TP53BP1: variants seen among roughly 807,000 people sequenced by gnomAD.
TP53BP1 encodes tumor protein p53 binding protein 1.
In TP53BP1, 61 loss-of-function variants were observed where a neutral mutation model predicts 200.8. The observed-to-expected ratio is 0.30, with a 90% CI of 0.25 to 0.38. TP53BP1 has a LOEUF of 0.38. TP53BP1 is among the 10% of genes least tolerant of loss of function. The pLI, the probability that TP53BP1 is intolerant of heterozygous loss-of-function variation, is 1.00. For missense variants in TP53BP1, 2,144 were observed against 2,371.9 expected (o/e 0.90, Z 2.00); for synonymous variants, 822 against 844.3 (o/e 0.97, Z 0.46).
chr15:43,484,720 C>G (rs968356868), intron 4 of TP53BP1, among the ~76,000 whole-genome samples: 18 of 151,770 alleles, frequency 1.2e-4, no homozygotes, highest in African/African-American at 4.4e-4. Flanking sequence ...TTACACTTAT[C>G]CCAGATAACA....
rs113197829 is a variant in TP53BP1 at position 43,507,140 on chromosome 15, C to CT, written c.-9+3229dup. On this transcript the variant is annotated intron_variant, in intron 1 of 27. Coordinates refer to the TP53BP1 transcript ENST00000263801. ...TTGTTTGTGCATTTTGTCCAATTCT[C>CT]TTTTTTTTTTTTGAGATGGAGTCTC... 1.7e-3 allele frequency among the ~76,000 whole-genome samples: 243 copies of CT among 145,746 alleles called. 1 individual carries two copies. The highest frequency in any genetic ancestry group is 3.5e-3 in the Middle Eastern group (1 of 282).
intron 18 of TP53BP1, among the ~76,000 whole-genome samples, chr15:43,426,864 A>C (rs1480583021): frequency 1.3e-5 from 2 of 151,400 alleles, no homozygotes; most frequent in African/African-American, 4.9e-5. Context: ...AAAAAAAAAA[A>C]AAAATTAGCC....
intron 18 of TP53BP1, among the ~76,000 whole-genome samples, chr15:43,427,304 G>A (rs1171577705): frequency 6.6e-6 from 1 of 152,328 alleles, no homozygotes; most frequent in Non-Finnish European, 1.5e-5. Context: ...CACACAGATA[G>A]TGACAAATAA....
intron 19 of TP53BP1, chr15:43,421,542 A>T: frequency 2.1e-6 from 1 of 484,650 alleles, no homozygotes; most frequent in Non-Finnish European, 3.7e-6. Flanking sequence ...AACTTCCTGT[A>T]CTCCCAACTA....
chr15:43,407,694 C>T lies in TP53BP1; in HGVS notation c.5747-124G>A, dbSNP rs2044956214. ...CAAACCAAAGCCCTATTATGTCAAA[C>T]ACACTGCTACTGATCATGACCAAAG... On this transcript the variant is annotated intron_variant, in intron 27 of 27. Coordinates refer to ENST00000382044, the MANE Select transcript of TP53BP1 (RefSeq NM_001141980.3). 1.4e-5 allele frequency: 13 copies of T among 933,464 alleles called. No homozygotes were observed. The South Asian group carries it at 2.3e-4, about 16-fold the overall frequency. 57.8% of individuals were successfully genotyped at this position (933,464 alleles called of 1,614,324 possible).
chr15:43,420,089 G>C (rs997676344), intron 21 of TP53BP1, among the ~76,000 whole-genome samples: 1 of 152,154 alleles, frequency 6.6e-6, no homozygotes, highest in Non-Finnish European at 1.5e-5. Flanking sequence ...CAAATTTTCT[G>C]TAAATCATCT....
intron 23 of TP53BP1, among the ~76,000 whole-genome samples, chr15:43,414,712 C>CTT (rs199952419): frequency 2.8e-5 from 4 of 145,236 alleles, no homozygotes; most frequent in Admixed American, 1.4e-4. Context: ...TGAAATATGA[C>CTT]TTTTTTTTTT....
upstream of TP53BP1, among the ~76,000 whole-genome samples, chr15:43,497,992 T>C (rs2079190753): frequency 6.6e-6 from 1 of 152,200 alleles, no homozygotes; most frequent in Non-Finnish European, 1.5e-5. Context: ...AGGATTGCAA[T>C]AAAAGAATGT....
intron 10 of TP53BP1, 87 bp from the exon 11 acceptor site, chr15:43,470,153 A>G: frequency 9.1e-7 from 1 of 1,094,356 alleles, no homozygotes; most frequent in Non-Finnish European, 1.3e-6. Flanking sequence ...ATTACACTAC[A>G]GACATTTTCA....
At position 43,407,437 on chromosome 15, in the gene TP53BP1, C is replaced by T. The variant is rs757324569; in HGVS notation, c.5880G>A (p.Glu1960=). ...EWVIQCLIVG[E]RIGFKQHPKY... is the part of the protein sequence containing the mutation. ...TTGGATGCTGCTTGAATCCAATTCT[C>T]TCCCCAACAATGAGGCACTGGATCA... The change falls in exon 28 of 28, where the codon GAG becomes GAA. Residue 1960 remains glutamate, a synonymous_variant. Coordinates refer to ENST00000382044, the MANE Select transcript of TP53BP1 (RefSeq NM_001141980.3). The T allele has an allele frequency of 1.2e-6, 2 of 1,614,214 alleles. No individual in the cohort carries two copies. The highest frequency in any genetic ancestry group is 2.2e-5 in the South Asian group (2 of 91,082).
intron 4 of TP53BP1, among the ~76,000 whole-genome samples, chr15:43,486,660 GC>G (rs2079051219): frequency 6.6e-6 from 1 of 152,044 alleles, no homozygotes; most frequent in Non-Finnish European, 1.5e-5. Flanking sequence ...GTCTCACTCT[GC>G]CACCCAGGCT....
intron 26 of TP53BP1, 39 bp from the exon 27 acceptor site, chr15:43,408,127 A>T: frequency 1.9e-6 from 3 of 1,595,666 alleles, no homozygotes; most frequent in Non-Finnish European, 1.7e-6. Flanking sequence ...CATGACAAGT[A>T]ATATCCAACA....
chr15:43,510,152 T>C (rs2079264168), intron 1 of TP53BP1, among the ~76,000 whole-genome samples: 1 of 118,176 alleles, frequency 8.5e-6, no homozygotes, highest in Admixed American at 1.1e-4. Flanking sequence ...CTGCTCCTTC[T>C]GTTTTAAGAA....
chr15:43,480,254 C>A (rs1040781950), intron 5 of TP53BP1, among the ~76,000 whole-genome samples: 64 of 152,102 alleles, frequency 4.2e-4, no homozygotes, highest in African/African-American at 1.4e-3. Flanking sequence ...TCAAGACCAG[C>A]CTGGCCAACA....
At chr15:43,496,522 T>C (rs147673331), upstream of TP53BP1, among the ~76,000 whole-genome samples, 3 of 152,206 alleles carry the variant, frequency 2.0e-5, no homozygotes, top group East Asian at 5.8e-4. Flanking sequence ...TGCTTCACGA[T>C]CTTATGAAAA....
chr15:43,500,913 C>T (rs1595636597), intron 1 of TP53BP1, among the ~76,000 whole-genome samples: 1 of 152,036 alleles, frequency 6.6e-6, no homozygotes. Context: ...TGGTGGCTTA[C>T]ATCCCAGAAC....
Position 43,407,522 on chromosome 15 carries a change from G to C in TP53BP1, c.5795C>G (p.Pro1932Arg). 1 of 1,614,190 alleles carries C rather than the reference G, an allele frequency of 6.2e-7. No homozygotes were observed. Among genetic ancestry groups the C allele is most frequent in the Non-Finnish European group, 8.5e-7 (1 of 1,180,014 alleles). ...TTCAGCACACTTCAGCACCGAGGCT[G>C]GGCATGAGGGGTCCGTCACCACCAC... ...FDVVVTDPSC[P>R]ASVLKCAEAL... The change falls in exon 28 of 28, where the codon CCA becomes CGA. Residue 1932 changes from proline to arginine, a missense_variant. This residue lies in a region of TP53BP1 where 334 missense variants were observed against 453.4 expected (regional missense o/e 0.74). Transcript: ENST00000382044.
intron 12 of TP53BP1, among the ~76,000 whole-genome samples, chr15:43,449,521 T>C (rs2046119747): frequency 2.0e-5 from 3 of 152,366 alleles, no homozygotes; most frequent in South Asian, 4.1e-4. Context: ...TTTAGCACCA[T>C]TTATCTAACT....
At position 43,475,588 on chromosome 15, in the gene TP53BP1, G is replaced by A; in HGVS notation, c.1062C>T (p.Ser354=). 6.2e-7 allele frequency: 1 copy of A among 1,614,106 alleles called. No homozygotes were observed. The highest frequency in any genetic ancestry group is 1.7e-4 in the Middle Eastern group (1 of 6,016). ...LHLLQLSGQR[S]LVQDSLSTNS... Reference sequence around the variant, plus strand: ...ACGTGGAAAGACTGTCCTGAACAAGGGACCTCTGACCAGAGAGCTGCAGGA... The same window carrying A: ...ACGTGGAAAGACTGTCCTGAACAAGAGACCTCTGACCAGAGAGCTGCAGGA... The change falls in exon 9 of 28, where the codon TCC becomes TCT. Residue 354 remains serine (S), a synonymous_variant. Transcript: ENST00000382044.
Sources: allele counts gnomAD v4.1 joint callset (sites outside exome capture counted in the v4.1 genomes callset), GRCh38; gene constraint gnomAD v4.1.1; regional missense constraint gnomAD v4.1.1; transcripts MANE v1.5; gene names NCBI Gene and HGNC (gene_info 2026-07-23, HGNC 2026-07-21).